DNAH1: variants seen among roughly 807,000 people sequenced by gnomAD.
DNAH1 encodes dynein axonemal heavy chain 1.
DNAH1 carries 327 observed loss-of-function variants against 484.3 expected under a neutral mutation model. That is an observed-to-expected ratio of 0.68 (90% CI 0.62 to 0.74). The LOEUF (loss-of-function observed/expected upper bound fraction) is 0.74, where lower values mean the gene tolerates loss of function less well. Ranked by LOEUF, DNAH1 falls within the 30% of genes least tolerant of loss-of-function variation. The pLI is 0.00. For missense variants in DNAH1, 5,052 were observed against 5,546.8 expected, an observed-to-expected ratio of 0.91 and a Z score of 2.83; for synonymous variants, 2,192 against 2,191.9, an observed-to-expected ratio of 1.00 and a Z score of 0.00.
intron 56 of DNAH1, among the ~76,000 whole-genome samples, 200 bp downstream of exon 56, chr3:52,387,053 G>A (rs1704142705): frequency 6.6e-6 from 1 of 152,220 alleles, no homozygotes. Flanking sequence ...ACCAGAGCCT[G>A]GCCCCAAGGG....
rs188699424 is a variant in DNAH1, at chr3:52,346,574, A to C, written c.1759A>C (p.Asn587His). Reference sequence around the variant, plus strand: ...GGGCTGGTACAACCTCTACGAGACCAACTGGGAGGTGTACCTCATGTCCAA... The same window carrying C: ...GGGCTGGTACAACCTCTACGAGACCCACTGGGAGGTGTACCTCATGTCCAA... ...SKGWYNLYET[N>H]WEVYLMSKLR... is the part of the protein sequence containing the mutation. The change falls in exon 11 of 78, where the codon AAC becomes CAC. Residue 587 changes from asparagine to histidine, a missense_variant. Asn to His is a moderately conservative substitution (Grantham distance 68). Transcript: ENST00000420323. 2.4e-4 allele frequency: 387 copies of C among 1,614,056 alleles called. 6 individuals are homozygous for C. The East Asian group carries it at 5.7e-3, about 24-fold the overall frequency.
chr3:52,322,924 CT>C (rs1214635017), intron 2 of DNAH1, 149 bp downstream of exon 2: 6 of 741,742 alleles, frequency 8.1e-6, no homozygotes, highest in African/African-American at 3.6e-5. Flanking sequence ...CATCTACCCC[CT>C]ATTATCCCCT....
Position 52,373,892 on chromosome 3 carries a change from C to T in DNAH1, c.6985+839C>T. 4.3e-6 allele frequency: 6 copies of T among 1,390,594 alleles called. No homozygotes were observed. The South Asian group carries it at 7.1e-5, about 16-fold the overall frequency. 86.1% of individuals were successfully genotyped at this position (1,390,594 alleles called of 1,614,324 possible). On this transcript the variant is annotated intron_variant, in intron 44 of 77. Coordinates refer to ENST00000420323, the MANE Select transcript of DNAH1 (RefSeq NM_015512.5). ...TGTTTCGAATATTACCACCTTCCTC[C>T]AATCCTACGGGAGCAGAATTTGACT...
At chr3:52,320,146 C>T (rs1158030898) in intron 1 of DNAH1, among the ~76,000 whole-genome samples, 2 of 152,232 alleles carry the variant, frequency 1.3e-5, no homozygotes, top group African/African-American at 2.4e-5. Context: ...CCTCTCCAAG[C>T]CCTGCTCTGT....
Position 52,331,533 on chromosome 3 carries a change from A to G in DNAH1, c.1033+224A>G, listed in dbSNP as rs369557978. Reference sequence around the variant, plus strand: ...GTCAGCTCTGAGCCCAAGTCCCATCAATAAGCGATGCCTGCCCTGGGTGTG... The same window carrying G: ...GTCAGCTCTGAGCCCAAGTCCCATCGATAAGCGATGCCTGCCCTGGGTGTG... On this transcript the variant is annotated intron_variant, in intron 7 of 77. Coordinates refer to ENST00000420323, the MANE Select transcript of DNAH1 (RefSeq NM_015512.5). 1.2e-4 allele frequency among the ~76,000 whole-genome samples: 18 copies of G among 152,222 alleles called. No individual in the cohort carries two copies. In the East Asian group the frequency reaches 1.5e-3, roughly 13 times the overall value.
rs1701585766 is a variant in DNAH1 at position 52,332,293 on chromosome 3, G to A, written c.1185G>A (p.Val395=). The part of the protein sequence containing the change: ...TEALLLYNLY[V]DCMPSDGQHV... ...CACTGCTGCTCTACAACTTGTATGT[G>A]GACTGCATGCCCTCTGACGGCCAGC... Residue 395 remains valine (V), a synonymous_variant, in exon 8 of 78, where the codon GTG becomes GTA. Coordinates refer to ENST00000420323, the MANE Select transcript of DNAH1 (RefSeq NM_015512.5). 1.2e-6 allele frequency: 2 copies of A among 1,613,946 alleles called. No individual in the cohort carries two copies. The highest frequency in any genetic ancestry group is 1.7e-6 in the Non-Finnish European group (2 of 1,179,914).
chr3:52,315,959 G>A (rs1480289412), upstream of DNAH1, among the ~76,000 whole-genome samples: 1 of 152,204 alleles, frequency 6.6e-6, no homozygotes, highest in Non-Finnish European at 1.5e-5. Flanking sequence ...CAGGGCTGCT[G>A]GTAAAAGCAG....
chr3:52,345,397 G>A, intron 9 of DNAH1, 98 bp from the exon 10 acceptor site: 1 of 1,000,164 alleles, frequency 1.0e-6, no homozygotes, highest in Non-Finnish European at 1.5e-6. Flanking sequence ...GGAGAAGGCA[G>A]GAGTCATGGC....
intron 53 of DNAH1, 111 bp from the exon 54 acceptor site, chr3:52,385,226 A>G: frequency 1.7e-6 from 2 of 1,186,110 alleles, no homozygotes; most frequent in Non-Finnish European, 2.4e-6. Context: ...TGTGGGGGCC[A>G]CCGAAGCTGC....
intron 51 of DNAH1, 67 bp from the exon 52 acceptor site, chr3:52,383,793 T>C: frequency 1.3e-6 from 2 of 1,505,112 alleles, no homozygotes; most frequent in Admixed American, 2.2e-5. Flanking sequence ...GCAAGGGCCC[T>C]GGGTCCTGGG....
intron 49 of DNAH1, 62 bp from the exon 50 acceptor site, chr3:52,382,258 A>G: frequency 6.8e-6 from 11 of 1,612,104 alleles, no homozygotes; most frequent in Non-Finnish European, 9.3e-6. Context: ...GTGGTCACCC[A>G]CCACCCTTCA....
intron 58 of DNAH1, 49 bp downstream of exon 58, chr3:52,388,658 G>T: frequency 6.2e-7 from 1 of 1,610,696 alleles, no homozygotes. Context: ...GGCCCAGACA[G>T]GGGCCAGAAA....
In DNAH1 at chr3:52,346,702, C is replaced by G; in HGVS notation, c.1887C>G (p.Thr629=). The change falls in exon 11 of 78, where the codon ACC becomes ACG. Residue 629 remains threonine (T), a synonymous_variant. Transcript: ENST00000420323. ...LASFSQFISD[T]CCSVLNCTDD... ...GCTTCTCACAGTTCATCAGCGACAC[C>G]TGTTGCAGCGTGCTCAACTGCACCG... The G allele has an allele frequency of 6.2e-7, 1 of 1,614,006 alleles. No individual in the cohort carries two copies. The highest frequency in any genetic ancestry group is 8.5e-7 in the Non-Finnish European group (1 of 1,179,870).
At chr3:52,387,202 C>T (rs953180599) in intron 56 of DNAH1, among the ~76,000 whole-genome samples, 1 of 152,196 alleles carries the variant, frequency 6.6e-6, no homozygotes, top group Non-Finnish European at 1.5e-5. Context: ...TCTTTCATGC[C>T]CTTTCATCCC....
At position 52,395,097 on chromosome 3, in the gene DNAH1, C is replaced by T. The variant is rs1317543438; in HGVS notation, c.10968+38C>T. On this transcript the variant is annotated intron_variant, in intron 68 of 77. Transcript: ENST00000420323. The surrounding 1 kb of genome is among the most constrained non-coding windows in gnomAD (Gnocchi z 4.4). ...ACCCTGGCAGGACTGGCACCTTGAG[C>T]TTGTCCCCACCCTGGGTCCCAGGGC... 6.3e-7 allele frequency: 1 copy of T among 1,585,886 alleles called. No homozygotes were observed.
chr3:52,336,431 A>G (rs1482949659), intron 8 of DNAH1, among the ~76,000 whole-genome samples: 1 of 152,032 alleles, frequency 6.6e-6, no homozygotes, highest in East Asian at 1.9e-4. Context: ...GGGCGCGCCT[A>G]TTGTCCCAGC....
intron 4 of DNAH1, 111 bp downstream of exon 4, chr3:52,326,425 A>C: frequency 2.3e-6 from 3 of 1,313,370 alleles, no homozygotes; most frequent in Non-Finnish European, 1.0e-6. Flanking sequence ...GAGCCTGTGC[A>C]CAAGTGTTTA....
At chr3:52,319,482 C>T (rs1701065365) in intron 1 of DNAH1, among the ~76,000 whole-genome samples, 3 of 152,216 alleles carry the variant, frequency 2.0e-5, no homozygotes, top group South Asian at 2.1e-4. Flanking sequence ...TGAGATGATG[C>T]ATAAAATAAG....
At position 52,379,838 on chromosome 3, in the gene DNAH1, T is replaced by C; in HGVS notation, c.7378-67T>C. 7.1e-7 allele frequency: 1 copy of C among 1,412,526 alleles called. No individual in the cohort carries two copies. The highest frequency in any genetic ancestry group is 9.6e-7 in the Non-Finnish European group (1 of 1,039,098). 87.5% of individuals were successfully genotyped at this position (1,412,526 alleles called of 1,614,324 possible). On this transcript the variant is annotated intron_variant, in intron 47 of 77. Coordinates refer to ENST00000420323, the MANE Select transcript of DNAH1 (RefSeq NM_015512.5). This position sits in a 1 kb window ranked among gnomAD's most constrained non-coding sequence, Gnocchi z 4.4. ...GAACTGGGGCCCACCCTCCCTTGCC[T>C]GGTGGTTTGAGAGATAGCTGAGGGC...
Sources: allele counts gnomAD v4.1 joint callset (sites outside exome capture counted in the v4.1 genomes callset), GRCh38; gene constraint gnomAD v4.1.1; non-coding constraint Gnocchi (gnomAD v3.1); transcripts MANE v1.5; gene names NCBI Gene and HGNC (gene_info 2026-07-23, HGNC 2026-07-21).